Variants in GPATCH2L observed in about 807,000 individuals in gnomAD.
The protein encoded by GPATCH2L is G patch domain-containing protein 2-like.
A neutral mutation model predicts 57.4 loss-of-function variants in GPATCH2L; 31 were observed. The ratio of observed to expected loss-of-function variants is 0.54; its 90% confidence interval spans 0.41 to 0.73. The LOEUF (loss-of-function observed/expected upper bound fraction) is 0.73, where lower values mean the gene tolerates loss of function less well. Ranked by LOEUF, GPATCH2L falls within the 30% of genes least tolerant of loss-of-function variation. The pLI is 0.00. For missense variants in GPATCH2L, 481 were observed against 599.9 expected (o/e 0.80, Z 2.07); for synonymous variants, 199 against 210.7 (o/e 0.94, Z 0.48).
intron 8 of GPATCH2L, among the ~76,000 whole-genome samples, chr14:76,194,485 G>GTGT (rs1491311800): frequency 1.4e-3 from 5 of 3,574 alleles, no homozygotes; most frequent in African/African-American, 3.7e-3. Flanking sequence ...AGACATGAAA[G>GTGT]TGTGTGTGTG....
In GPATCH2L at chr14:76,173,554, A is replaced by G. The variant is rs1222380080; in HGVS notation, c.913A>G (p.Thr305Ala). The change falls in exon 5 of 10, where the codon ACT becomes GCT. Residue 305 changes from threonine (T) to alanine (A), a missense_variant. Around this residue, in one of 3 missense-constraint regions of GPATCH2L, gnomAD observed 248 missense variants for 270.5 expected, o/e 0.92. Transcript: ENST00000261530. ...PSRPAQRGYH[T>A]RLNRLPGAAA... ...CTTCCTTCTTTTTTTAGGGTACCAT[A>G]CTCGCTTGAATCGTCTACCTGGAGC... The G allele has an allele frequency of 6.2e-7, 1 of 1,610,256 alleles. No homozygotes were observed. The highest frequency in any genetic ancestry group is 1.7e-5 in the Admixed American group (1 of 59,536).
intron 9 of GPATCH2L, among the ~76,000 whole-genome samples, chr14:76,199,602 A>G (rs1359073575): frequency 6.6e-6 from 1 of 152,158 alleles, no homozygotes; most frequent in Non-Finnish European, 1.5e-5. Flanking sequence ...ACAAGTGCAA[A>G]CATTCTTTTA....
intron 9 of GPATCH2L, chr14:76,196,444 T>G (rs909710509): frequency 4.7e-4 from 93 of 198,654 alleles, no homozygotes; most frequent in African/African-American, 2.0e-3. Flanking sequence ...TCAGTTTTTT[T>G]TTTTTTTTTT....
intron 2 of GPATCH2L, chr14:76,234,921 C>G (rs1209181171): frequency 6.6e-6 from 1 of 152,328 alleles, no homozygotes; most frequent in African/African-American, 2.4e-5. Flanking sequence ...GTAATCCCAG[C>G]ACTTTGGGAG....
rs142427762 is a variant in GPATCH2L at position 76,165,882 on chromosome 14, A to T, written c.663-781A>T. Reference sequence around the variant, plus strand: ...ATCTTCTAGAGTAGGTGAAAAAAAAATTTTTGACTCTCTTGGAAGGAAATA... The same window carrying T: ...ATCTTCTAGAGTAGGTGAAAAAAAATTTTTTGACTCTCTTGGAAGGAAATA... On this transcript the variant is annotated intron_variant, in intron 2 of 9. Coordinates refer to ENST00000261530, the MANE Select transcript of GPATCH2L (RefSeq NM_017926.4). Among the ~76,000 whole-genome samples the T allele has an allele frequency of 3.6e-4, 55 of 152,298 alleles. 1 individual carries two copies. The highest frequency in any genetic ancestry group is 1.1e-3 in the African/African-American group (45 of 41,566).
At chr14:76,201,090 T>C (rs1448759762) in intron 9 of GPATCH2L, among the ~76,000 whole-genome samples, 1 of 152,218 alleles carries the variant, frequency 6.6e-6, no homozygotes, top group Non-Finnish European at 1.5e-5. Context: ...AGTGATCTTA[T>C]TGAAAAATAT....
At chr14:76,159,658 T>C (rs1213867999) in intron 2 of GPATCH2L, among the ~76,000 whole-genome samples, 1 of 152,132 alleles carries the variant, frequency 6.6e-6, no homozygotes, top group Non-Finnish European at 1.5e-5. Context: ...CTCCAGAATG[T>C]ACTGTCTCCA....
intron 8 of GPATCH2L, among the ~76,000 whole-genome samples, chr14:76,190,359 T>A (rs569395376): frequency 9.0e-4 from 137 of 152,274 alleles, no homozygotes; most frequent in African/African-American, 3.0e-3. Flanking sequence ...GAATTTTTTT[T>A]AAATTCTTAT....
chr14:76,214,644 A>G (rs148276758), downstream of GPATCH2L, among the ~76,000 whole-genome samples: 8 of 152,212 alleles, frequency 5.3e-5, no homozygotes, highest in East Asian at 1.5e-3. Context: ...ATAAATCCCA[A>G]TCACTAGGGC....
intron 2 of GPATCH2L, among the ~76,000 whole-genome samples, chr14:76,162,683 A>T (rs944454605): frequency 9.9e-5 from 15 of 152,206 alleles, no homozygotes; most frequent in African/African-American, 3.6e-4. Context: ...GGATGTTTTT[A>T]CTTTGATTTC....
rs900426145 is a variant in GPATCH2L at position 76,213,352 on chromosome 14, C to G, written c.*11501C>G. 1 of 151,996 alleles carries G rather than the reference C, an allele frequency of 6.6e-6. No homozygotes were observed. The highest frequency in any genetic ancestry group is 2.4e-5 in the African/African-American group (1 of 41,370). The allele number at this position is 151,996 out of a possible 1,614,324, so 9.4% of individuals were successfully genotyped here. The stretch of plus-strand genomic sequence containing the variant: ...GCCAAAAAATGACATCAAAAGAAAT[C>G]TAATATAACAATTGTCATAGAAGAA... On this transcript the variant is annotated 3_prime_UTR_variant, in exon 10 of 10. Transcript: ENST00000261530.
At chr14:76,223,237 TAAAG>T (rs2040523207) in intron 1 of GPATCH2L, among the ~76,000 whole-genome samples, 1 of 152,180 alleles carries the variant, frequency 6.6e-6, no homozygotes, top group Non-Finnish European at 1.5e-5. Context: ...ATAAATATCT[TAAAG>T]AAAATATTAG....
intron 9 of GPATCH2L, among the ~76,000 whole-genome samples, chr14:76,198,193 A>AGGTGTC (rs1488973513): frequency 1.3e-5 from 2 of 152,150 alleles, no homozygotes; most frequent in African/African-American, 2.4e-5. Flanking sequence ...TCTAGCATGC[A>AGGTGTC]GGTGTCTAGT....
intron 2 of GPATCH2L, among the ~76,000 whole-genome samples, chr14:76,232,007 G>C (rs28570263): frequency 0.19 from 14,663 of 77,134 alleles, 783 homozygotes; most frequent in Middle Eastern, 0.29. Context: ...CTCACTGCAG[G>C]CTCAAGCAAT....
chr14:76,235,189 A>G (rs1057023773), intron 2 of GPATCH2L, among the ~76,000 whole-genome samples: 6 of 152,184 alleles, frequency 3.9e-5, no homozygotes, highest in Non-Finnish European at 2.9e-5. Flanking sequence ...AAAAAAGAAA[A>G]AAAGAAAATG....
chr14:76,205,383 T>C lies in GPATCH2L; in HGVS notation c.*3532T>C, dbSNP rs1417841582. Reference sequence around the variant, plus strand: ...TACTGAGTGGTATGTGGTTGGAAAATAGGCCACATTTAGCCTTGAATTGTT... The same window carrying C: ...TACTGAGTGGTATGTGGTTGGAAAACAGGCCACATTTAGCCTTGAATTGTT... On this transcript the variant is annotated 3_prime_UTR_variant, in exon 10 of 10. Transcript: ENST00000261530. The C allele has an allele frequency of 6.6e-6, 1 of 152,184 alleles. No homozygotes were observed. The highest frequency in any genetic ancestry group is 1.5e-5 in the Non-Finnish European group (1 of 68,058). 9.4% of individuals were successfully genotyped at this position (152,184 alleles called of 1,614,324 possible).
intron 2 of GPATCH2L, among the ~76,000 whole-genome samples, chr14:76,233,286 G>A (rs2040582999): frequency 6.6e-6 from 1 of 152,210 alleles, no homozygotes; most frequent in Admixed American, 6.5e-5. Flanking sequence ...CCCCCACGCA[G>A]CAGGTATCAG....
chr14:76,192,948 G>C (rs1027447802), intron 8 of GPATCH2L, among the ~76,000 whole-genome samples: 3 of 152,068 alleles, frequency 2.0e-5, no homozygotes, highest in Non-Finnish European at 2.9e-5. Flanking sequence ...ACCACAGAGA[G>C]AAGTAATATG....
Position 76,203,363 on chromosome 14 carries a change from T to C in GPATCH2L, c.*1512T>C, listed in dbSNP as rs1358538266. ...ATGGTAGAGGGAGAGCAGGTGTAGA[T>C]GATGGGACGGGAAAGTGCTGAAACC... On this transcript the variant is annotated 3_prime_UTR_variant, in exon 10 of 10. Transcript: ENST00000261530. 1.3e-5 allele frequency: 2 copies of C among 152,286 alleles called. No homozygotes were observed. The allele number at this position is 152,286 out of a possible 1,614,324, so 9.4% of individuals were successfully genotyped here. A position where few individuals can be genotyped will look rare whatever the true frequency, so the allele number is the denominator to read the frequency against.
Sources: allele counts gnomAD v4.1 joint callset (sites outside exome capture counted in the v4.1 genomes callset), GRCh38; gene constraint gnomAD v4.1.1; regional missense constraint gnomAD v4.1.1; transcripts MANE v1.5; gene names NCBI Gene and HGNC (gene_info 2026-07-23, HGNC 2026-07-21).